The following HSD17B14 variants were observed in gnomAD, a reference collection of about 807,000 sequenced individuals.
HSD17B14 encodes hydroxysteroid 17-beta dehydrogenase 14, also known as L-fucose dehydrogenase.
Under a neutral mutation model 32.2 loss-of-function variants are expected in HSD17B14, and 32 were observed. The ratio of observed to expected loss-of-function variants is 0.99; its 90% CI spans 0.75 to 1.33. The LOEUF (loss-of-function observed/expected upper bound fraction) is 1.33. Among genes scored for constraint, HSD17B14 ranks in the 40% most tolerant of loss-of-function variants. The pLI is 0.00. For missense variants in HSD17B14, 370 were observed against 366.5 expected (o/e 1.01, Z -0.08); for synonymous variants, 140 against 155.4 (o/e 0.90, Z 0.74).
chr19:48,831,415 T>C (rs1443751689), intron 5 of HSD17B14, among the ~76,000 whole-genome samples: 1 of 152,028 alleles, frequency 6.6e-6, no homozygotes, highest in Non-Finnish European at 1.5e-5. Flanking sequence ...TTAGCTGGTT[T>C]TGTGGCCCGC....
At chr19:48,814,205 G>GAAGAAGAA (rs1452335550) in intron 6 of HSD17B14, among the ~76,000 whole-genome samples, 3 of 146,616 alleles carry the variant, frequency 2.0e-5, no homozygotes, top group Non-Finnish European at 4.5e-5. Context: ...AAAAAAAAAA[G>GAAGAAGAA]AAGAAAAGAA....
chr19:48,826,012 G>A (rs1217621994), intron 5 of HSD17B14, among the ~76,000 whole-genome samples: 1 of 151,668 alleles, frequency 6.6e-6, no homozygotes, highest in African/African-American at 2.4e-5. Flanking sequence ...AGTAGAGATG[G>A]GGTTTCACCG....
rs199541195 is a variant in HSD17B14 at position 48,835,809 on chromosome 19, C to G, written c.123G>C (p.Lys41Asn). 1 of 1,613,532 alleles carries G rather than the reference C, an allele frequency of 6.2e-7. No individual in the cohort carries two copies. The highest frequency in any genetic ancestry group is 1.1e-5 in the South Asian group (1 of 91,090). Residue 41 changes from lysine (K) to asparagine (N), a missense_variant, in exon 2 of 9, where the codon AAG becomes AAC. By Grantham distance (94) the Lys-to-Asn change is moderately conservative. Transcript: ENST00000263278. ...NSGARVVICD[K>N]DESGGRALEQ... ...GGCTGAGGGACCGTCACTCACCATC[C>G]TTGTCGCAGATAACCACTCGGGCCC...
chr19:48,831,239 G>A (rs748917438), intron 5 of HSD17B14, among the ~76,000 whole-genome samples: 7 of 152,162 alleles, frequency 4.6e-5, no homozygotes, highest in Non-Finnish European at 8.8e-5. Context: ...GCTGGATGTA[G>A]AGATTCGCAG....
At chr19:48,835,980 G>A in intron 1 of HSD17B14, 137 bp from the exon 2 acceptor site, 2 of 745,942 alleles carry the variant, frequency 2.7e-6, no homozygotes, top group South Asian at 3.5e-5. Context: ...AGGACAGAGG[G>A]CAGACGCCTT....
intron 5 of HSD17B14, among the ~76,000 whole-genome samples, chr19:48,820,979 G>A (rs1568519069): frequency 6.6e-6 from 1 of 151,650 alleles, no homozygotes; most frequent in Non-Finnish European, 1.5e-5. Context: ...TAGGATTACA[G>A]GCGTGAGCCA....
chr19:48,821,957 C>T (rs1305478648), intron 5 of HSD17B14, among the ~76,000 whole-genome samples: 3 of 136,326 alleles, frequency 2.2e-5, no homozygotes, highest in African/African-American at 5.6e-5. Context: ...ATGATGGTTA[C>T]GATTGTGGTA....
chr19:48,818,175 G>C (rs1026566849), intron 5 of HSD17B14, among the ~76,000 whole-genome samples: 2 of 151,850 alleles, frequency 1.3e-5, no homozygotes, highest in Non-Finnish European at 2.9e-5. Context: ...GCCGGGTGTG[G>C]TGGTGCGTGC....
In HSD17B14 at chr19:48,815,161, A is replaced by G. The variant is rs1278965351; in HGVS notation, c.370-20T>C. ...GGCGAGCTAGGGAGACAAGAGGCCA[A>G]GTAAGCTACACAAGCCCTGCATCTT... On this transcript the variant is annotated intron_variant, in intron 5 of 8. Transcript: ENST00000263278. 2 of 1,578,726 alleles carry G rather than the reference A, an allele frequency of 1.3e-6. No homozygotes were observed. The highest frequency in any genetic ancestry group is 1.7e-6 in the Non-Finnish European group (2 of 1,147,940).
At chr19:48,835,964 AC>A in intron 1 of HSD17B14, 121 bp from the exon 2 acceptor site, 1 of 834,588 alleles carries the variant, frequency 1.2e-6, no homozygotes, top group Non-Finnish European at 1.9e-6. Flanking sequence ...TCTCATGATC[AC>A]CCATAGGACA....
chr19:48,826,295 C>T (rs2035244537), intron 5 of HSD17B14, among the ~76,000 whole-genome samples: 3 of 150,674 alleles, frequency 2.0e-5, no homozygotes, highest in African/African-American at 7.3e-5. Context: ...GAGTTTGAGA[C>T]CTGCCTGAAC....
chr19:48,835,539 C>T (rs1259672660), intron 2 of HSD17B14, among the ~76,000 whole-genome samples: 2 of 144,422 alleles, frequency 1.4e-5, no homozygotes, highest in East Asian at 4.1e-4. Context: ...ATTCCTGGGT[C>T]TGAGGGAGGA....
At chr19:48,822,168 G>C (rs1162566703) in intron 5 of HSD17B14, among the ~76,000 whole-genome samples, 4 of 146,274 alleles carry the variant, frequency 2.7e-5, no homozygotes, top group African/African-American at 1.0e-4. Flanking sequence ...TGACAGTGTT[G>C]ATGGTGATGA....
chr19:48,818,058 TC>T (rs2035085460), intron 5 of HSD17B14, among the ~76,000 whole-genome samples: 1 of 152,140 alleles, frequency 6.6e-6, no homozygotes, highest in Non-Finnish European at 1.5e-5. Context: ...ACACCTGTAA[TC>T]CTAGAACTTT....
At chr19:48,816,779 T>TTTTCTTTCTTTCTTTCTTTTTTCTTTC in intron 5 of HSD17B14, among the ~76,000 whole-genome samples, 1 of 122,284 alleles carries the variant, frequency 8.2e-6, no homozygotes, top group South Asian at 2.7e-4. Context: ...GCAAGACCCT[T>TTTTCTTTCTTTCTTTCTTTTTTCTTTC]TTTCTTTCTT....
At chr19:48,819,768 T>G (rs2035115020) in intron 5 of HSD17B14, among the ~76,000 whole-genome samples, 1 of 152,178 alleles carries the variant, frequency 6.6e-6, no homozygotes, top group Non-Finnish European at 1.5e-5. Context: ...TGTCTCTGTT[T>G]AGGAAGACCT....
chr19:48,814,383 G>C (rs941137313), intron 6 of HSD17B14, among the ~76,000 whole-genome samples: 2 of 151,736 alleles, frequency 1.3e-5, no homozygotes, highest in Non-Finnish European at 2.9e-5. Context: ...CTAGCTGGGC[G>C]TGGTGACAGC....
intron 5 of HSD17B14, among the ~76,000 whole-genome samples, chr19:48,823,457 C>T (rs1004277663): frequency 1.6e-4 from 24 of 151,780 alleles, no homozygotes; most frequent in Admixed American, 1.3e-3. Flanking sequence ...TGCTTACTAA[C>T]GTGTTTGGAA....
chr19:48,835,348 T>C (rs1287903063), intron 2 of HSD17B14, among the ~76,000 whole-genome samples: 5 of 101,088 alleles, frequency 4.9e-5, no homozygotes, highest in Admixed American at 1.0e-4. Context: ...GAGCCTGGAC[T>C]CCTGGGTCTG....
Sources: allele counts gnomAD v4.1 joint callset (sites outside exome capture counted in the v4.1 genomes callset), GRCh38; gene constraint gnomAD v4.1.1; transcripts MANE v1.5; gene names NCBI Gene and HGNC (gene_info 2026-07-23, HGNC 2026-07-21).